Variants in CTIF observed in about 807,000 individuals in gnomAD.
CTIF encodes the protein CBP80/20-dependent translation initiation factor.
A neutral mutation model predicts 66.0 loss-of-function variants in CTIF; 21 were observed. The ratio of observed to expected loss-of-function variants is 0.32; its 90% CI spans 0.23 to 0.46. The LOEUF (loss-of-function observed/expected upper bound fraction) is 0.46. Among genes scored for constraint, CTIF ranks in the 20% least tolerant of loss-of-function variants. The pLI is 1.00. For synonymous variants in CTIF, 345 were observed against 326.4 expected, an observed-to-expected ratio of 1.06 and a Z score of -0.62; for missense variants, 739 against 812.7, an observed-to-expected ratio of 0.91 and a Z score of 1.10.
intron 1 of CTIF, among the ~76,000 whole-genome samples, chr18:48,556,384 G>A (rs1246271695): frequency 6.6e-6 from 1 of 152,138 alleles, no homozygotes; most frequent in Non-Finnish European, 1.5e-5. Context: ...CCTTGCCTTT[G>A]ATAGTGGAGT....
chr18:48,826,657 C>T (rs2068587765), intron 10 of CTIF: 1 of 152,246 alleles, frequency 6.6e-6, no homozygotes, highest in Non-Finnish European at 1.5e-5. Flanking sequence ...TTCAGTCTTT[C>T]GTTGCTACCT....
At chr18:48,645,750 C>T (rs1358929780) in intron 3 of CTIF, among the ~76,000 whole-genome samples, 3 of 152,086 alleles carry the variant, frequency 2.0e-5, no homozygotes, top group Non-Finnish European at 4.4e-5. Flanking sequence ...TGAGGCCAGC[C>T]CCACTGCATG....
intron 1 of CTIF, among the ~76,000 whole-genome samples, chr18:48,552,057 C>A (rs1443822556): frequency 6.6e-6 from 1 of 152,216 alleles, no homozygotes; most frequent in South Asian, 2.1e-4. Context: ...CCGCCTAGGC[C>A]TCCCAAAGTG....
Position 48,730,638 on chromosome 18 carries a change from CCTGTGGTGTGAGGGGCTT to C in CTIF, c.584+18947_584+18964del, listed in dbSNP as rs1598940973. ...AGGGGCTCCTGCGGTGTGAGGGGCC[CCTGTGGTGTGAGGGGCTT>C]CTGCGGTGTGAGGGGCTTCTGCGGT... On this transcript the variant is annotated intron_variant, in intron 7 of 11. Transcript: ENST00000256413. Among the ~76,000 whole-genome samples, 126 of 92,694 alleles carry C rather than the reference CCTGTGGTGTGAGGGGCTT, an allele frequency of 1.4e-3. 17 individuals carry two copies. Among genetic ancestry groups the C allele is most frequent in the Admixed American group, 2.7e-3 (26 of 9,772 alleles). The allele number at this position is 92,694 out of a possible 152,430, so 60.8% of individuals were successfully genotyped here. A position where few individuals can be genotyped will look rare whatever the true frequency, so the allele number is the denominator to read the frequency against.
At chr18:48,557,852 T>A (rs1599138670) in intron 1 of CTIF, among the ~76,000 whole-genome samples, 2 of 152,362 alleles carry the variant, frequency 1.3e-5, no homozygotes, top group East Asian at 3.9e-4. Flanking sequence ...GAGACAGCTG[T>A]CTGGTGTCTG....
intron 2 of CTIF, among the ~76,000 whole-genome samples, chr18:48,630,866 A>G (rs567856361): frequency 2.0e-5 from 3 of 151,554 alleles, no homozygotes; most frequent in African/African-American, 7.3e-5. Context: ...TTTAGTAGAG[A>G]CGGGGTTTCA....
chr18:48,846,348 A>G (rs1380286364), intron 10 of CTIF, among the ~76,000 whole-genome samples: 1 of 152,182 alleles, frequency 6.6e-6, no homozygotes, highest in Non-Finnish European at 1.5e-5. Context: ...CTTTCCCCCT[A>G]CTAGACTATA....
rs901309470 is a variant in CTIF, at chr18:48,664,477, G to C, written c.357G>C (p.Lys119Asn). 1 of 1,613,720 alleles carries C rather than the reference G, an allele frequency of 6.2e-7. No homozygotes were observed. The highest frequency in any genetic ancestry group is 8.5e-7 in the Non-Finnish European group (1 of 1,179,990). ...CCACCTGGGACCTGCAGCCGGAAAA[G>C]CTGGACTTCACCCAGTTCCACCGCA... Reference protein sequence around the residue: ...SGATWDLQPEKLDFTQFHRKV... With the variant: ...SGATWDLQPENLDFTQFHRKV... The change falls in exon 5 of 12, where the codon AAG (lysine) becomes AAC (asparagine). Residue 119 changes from lysine to asparagine, a missense_variant. Transcript: ENST00000256413.
At chr18:48,634,003 G>A (rs950042543) in intron 2 of CTIF, among the ~76,000 whole-genome samples, 3 of 152,144 alleles carry the variant, frequency 2.0e-5, no homozygotes, top group East Asian at 1.9e-4. Flanking sequence ...TTCCACGAAC[G>A]TCCTTTTCCT....
intron 9 of CTIF, among the ~76,000 whole-genome samples, chr18:48,790,238 C>T (rs944943355): frequency 2.6e-5 from 4 of 152,250 alleles, no homozygotes; most frequent in African/African-American, 9.6e-5. Context: ...AGTACAGCCA[C>T]CTCCTTTTCT....
intron 6 of CTIF, among the ~76,000 whole-genome samples, chr18:48,679,784 G>C (rs1166558058): frequency 6.6e-6 from 1 of 152,154 alleles, no homozygotes; most frequent in South Asian, 2.1e-4. Flanking sequence ...CCAATTTTGA[G>C]GTTTTCCCCT....
intron 3 of CTIF, among the ~76,000 whole-genome samples, chr18:48,659,427 C>T (rs910399397): frequency 2.0e-5 from 3 of 152,206 alleles, no homozygotes; most frequent in African/African-American, 7.2e-5. Context: ...CCTCCACCTG[C>T]TGCCTCCTCC....
Position 48,663,761 on chromosome 18 carries a change from A to G in CTIF, c.262A>G (p.Lys88Glu), listed in dbSNP as rs771747837. 9.3e-6 allele frequency: 15 copies of G among 1,614,078 alleles called. No individual in the cohort carries two copies. The highest frequency in any genetic ancestry group is 1.3e-5 in the Non-Finnish European group (15 of 1,179,966). Residue 88 changes from lysine (K) to glutamate (E), a missense_variant, in exon 4 of 12, where the codon AAA (lysine) becomes GAA (glutamate). Physicochemically the swap from Lys to Glu is moderately conservative, Grantham distance 56. This residue lies in a region of CTIF where 529 missense variants were observed against 520.3 expected (regional missense o/e 1.02). Transcript: ENST00000256413. The stretch of plus-strand genomic sequence containing the variant: ...CCCCCATCTCTTCCAGAATGGCAGC[A>G]AAGACAACTCTCTGGACATGCTGGG... ...GRAPPQQNGS[K>E]DNSLDMLGTD...
intron 7 of CTIF, among the ~76,000 whole-genome samples, chr18:48,736,243 A>G (rs1391725917): frequency 6.6e-6 from 1 of 152,008 alleles, no homozygotes; most frequent in East Asian, 1.9e-4. Flanking sequence ...GTGATTATGT[A>G]TTTCATGTCT....
chr18:48,672,365 A>G lies in CTIF; in HGVS notation c.507+1621A>G, dbSNP rs553413314. On this transcript the variant is annotated intron_variant, in intron 6 of 11. Coordinates refer to ENST00000256413, the MANE Select transcript of CTIF (RefSeq NM_014772.3). Reference sequence around the variant, plus strand: ...ACTCTTAATAGTATGGACGTGTCCAATGCAATGTGGGATATTTAGGACTCC... The same window carrying G: ...ACTCTTAATAGTATGGACGTGTCCAGTGCAATGTGGGATATTTAGGACTCC... Among the ~76,000 whole-genome samples, 13 of 152,262 alleles carry G rather than the reference A, an allele frequency of 8.5e-5. No individual in the cohort carries two copies. In the East Asian group the frequency reaches 9.7e-4, roughly 11 times the overall value.
chr18:48,569,778 G>A (rs765485920), intron 1 of CTIF, among the ~76,000 whole-genome samples: 8 of 152,208 alleles, frequency 5.3e-5, no homozygotes, highest in Non-Finnish European at 1.2e-4. Flanking sequence ...CTAGGTCAGT[G>A]TGCACAGGGA....
chr18:48,684,011 G>A (rs2091792362), intron 6 of CTIF, among the ~76,000 whole-genome samples: 1 of 152,242 alleles, frequency 6.6e-6, no homozygotes, highest in Admixed American at 6.5e-5. Context: ...GTGCTAAAGT[G>A]TCAGGTGGGA....
intron 7 of CTIF, among the ~76,000 whole-genome samples, chr18:48,715,262 A>G (rs757594483): frequency 2.0e-5 from 3 of 152,194 alleles, no homozygotes; most frequent in Middle Eastern, 3.4e-3. Context: ...AAAAAAAAAA[A>G]TTAAGCTCAT....
At chr18:48,735,836 C>A (rs927011025) in intron 7 of CTIF, among the ~76,000 whole-genome samples, 1 of 152,158 alleles carries the variant, frequency 6.6e-6, no homozygotes, top group African/African-American at 2.4e-5. Flanking sequence ...GTCCTCCCTG[C>A]GAGCTGCAGC....
Sources: allele counts gnomAD v4.1 joint callset (sites outside exome capture counted in the v4.1 genomes callset), GRCh38; gene constraint gnomAD v4.1.1; regional missense constraint gnomAD v4.1.1; transcripts MANE v1.5; gene names NCBI Gene and HGNC (gene_info 2026-07-23, HGNC 2026-07-21).